LARGE1: variants seen among roughly 807,000 people sequenced by gnomAD.
LARGE1 encodes xylosyl- and glucuronyltransferase LARGE1.
LARGE1 carries 43 observed loss-of-function variants against 87.6 expected under a neutral mutation model. The ratio of observed to expected loss-of-function variants is 0.49; its 90% CI spans 0.38 to 0.63. LARGE1 has a LOEUF of 0.63. LARGE1 is among the 30% of genes least tolerant of loss of function. The probability of loss-of-function intolerance (pLI) is 0.00; values close to 1 mark genes in which losing one functional copy is unlikely to be tolerated. For synonymous variants in LARGE1, 434 were observed against 394.6 expected (o/e 1.10, Z -1.18); for missense variants, 802 against 1,000.2 (o/e 0.80, Z 2.67).
At chr22:33,333,129 C>A (rs1427286854) in intron 10 of LARGE1, among the ~76,000 whole-genome samples, 1 of 151,978 alleles carries the variant, frequency 6.6e-6, no homozygotes, top group Non-Finnish European at 1.5e-5. Context: ...GCCTCAGCCT[C>A]CTGAGTAGCT....
chr22:33,080,873 T>G, the LARGE1 span, among the ~76,000 whole-genome samples: 1 of 152,148 alleles, frequency 6.6e-6, no homozygotes, highest in African/African-American at 2.4e-5. Context: ...AAACTTTTCT[T>G]CTATGCCTTA....
intron 6 of LARGE1, among the ~76,000 whole-genome samples, chr22:33,537,290 C>A (rs1414505676): frequency 1.3e-5 from 2 of 152,218 alleles, no homozygotes; most frequent in Admixed American, 6.5e-5. Context: ...TGCGGAGGCT[C>A]TGGGGAGAAT....
chr22:33,082,052 G>A, the LARGE1 span, among the ~76,000 whole-genome samples: 5 of 152,094 alleles, frequency 3.3e-5, no homozygotes, highest in Admixed American at 3.3e-4. Context: ...GTAGGGTCTA[G>A]TTTTACCCTG....
the LARGE1 span, among the ~76,000 whole-genome samples, chr22:33,110,127 C>G: frequency 6.6e-6 from 1 of 152,148 alleles, no homozygotes; most frequent in Non-Finnish European, 1.5e-5. Flanking sequence ...CTGACTATTC[C>G]CATTTTCTAA....
intron 5 of LARGE1, among the ~76,000 whole-genome samples, chr22:33,579,737 A>G (rs947919465): frequency 6.6e-6 from 1 of 152,146 alleles, no homozygotes; most frequent in Non-Finnish European, 1.5e-5. Flanking sequence ...AGTGGCCCCT[A>G]GCATTGTTTT....
At chr22:33,534,499 C>T (rs1017497696) in intron 6 of LARGE1, among the ~76,000 whole-genome samples, 11 of 152,100 alleles carry the variant, frequency 7.2e-5, no homozygotes, top group Admixed American at 2.0e-4. Context: ...CCCCAGCTAG[C>T]GGAACCTTCA....
chr22:33,523,973 A>T (rs1472674742), intron 6 of LARGE1, among the ~76,000 whole-genome samples: 2 of 151,810 alleles, frequency 1.3e-5, no homozygotes, highest in Admixed American at 1.3e-4. Flanking sequence ...TCATCACTAA[A>T]ATCTCCTTAA....
In LARGE1 at chr22:33,783,291, G is replaced by A. The variant is rs150461834; in HGVS notation, c.-82-21733C>T. 1.0e-3 allele frequency among the ~76,000 whole-genome samples: 153 copies of A among 152,236 alleles called. 1 individual carries two copies. The highest frequency in any genetic ancestry group is 8.1e-4 in the Non-Finnish European group (55 of 68,018). ...ATTATAGCCAAATCATGGGAAAAGG[G>A]ACTAGAAGGCTGAGATATTTAAAAA... On this transcript the variant is annotated intron_variant, in intron 1 of 14. Coordinates refer to ENST00000397394, the MANE Select transcript of LARGE1 (RefSeq NM_133642.5).
chr22:33,785,201 A>G (rs2085591698), intron 1 of LARGE1, among the ~76,000 whole-genome samples: 4 of 150,758 alleles, frequency 2.7e-5, no homozygotes, highest in Admixed American at 1.3e-4. Context: ...ATATGTGTAT[A>G]CATACATATG....
chr22:33,452,261 G>T (rs2067960994), intron 6 of LARGE1, among the ~76,000 whole-genome samples: 1 of 152,142 alleles, frequency 6.6e-6, no homozygotes. Flanking sequence ...CTACAAAAAG[G>T]AAAGGAGATA....
At chr22:33,075,007 T>C in the LARGE1 span, among the ~76,000 whole-genome samples, 4 of 152,258 alleles carry the variant, frequency 2.6e-5, no homozygotes, top group Admixed American at 1.3e-4. Flanking sequence ...AGCGAGCTTA[T>C]GTAACTTGGC....
chr22:33,905,351 G>A (rs2065415067), intron 1 of LARGE1, among the ~76,000 whole-genome samples: 1 of 152,090 alleles, frequency 6.6e-6, no homozygotes, highest in African/African-American at 2.4e-5. Flanking sequence ...TAATAGGCAT[G>A]AGCCACCATG....
Position 33,260,390 on chromosome 22 carries a change from C to T in LARGE1, c.1730+43839G>A, listed in dbSNP as rs1927562163. Among the ~76,000 whole-genome samples the T allele has an allele frequency of 3.9e-5, 6 of 152,246 alleles. No individual in the cohort carries two copies. The South Asian group carries it at 1.2e-3, about 31-fold the overall frequency. On this transcript the variant is annotated intron_variant, in intron 11 of 11. Coordinates refer to the LARGE1 transcript ENST00000608642. ...CTGAGAAATCCCACTTGAAAGCTCT[C>T]TGGCCTCCCTGGCATGTGCTAGCTG...
chr22:33,131,389 C>T, the LARGE1 span, among the ~76,000 whole-genome samples: 1 of 152,132 alleles, frequency 6.6e-6, no homozygotes, highest in East Asian at 1.9e-4. Flanking sequence ...TATCCCTATT[C>T]CCAGATGTTC....
At chr22:33,226,429 G>A (rs1925736008) in intron 11 of LARGE1, among the ~76,000 whole-genome samples, 1 of 152,190 alleles carries the variant, frequency 6.6e-6, no homozygotes, top group Non-Finnish European at 1.5e-5. Flanking sequence ...ACATTACACT[G>A]TGACTGGATG....
the LARGE1 span, among the ~76,000 whole-genome samples, chr22:33,107,590 C>T: frequency 2.7e-5 from 4 of 148,644 alleles, no homozygotes; most frequent in Admixed American, 6.7e-5. Flanking sequence ...TTTAGTCAGG[C>T]GCAGTGGCTC....
chr22:33,334,690 C>T (rs1440157486), intron 10 of LARGE1, among the ~76,000 whole-genome samples: 1 of 152,162 alleles, frequency 6.6e-6, no homozygotes, highest in Non-Finnish European at 1.5e-5. Context: ...ACTGGGATGA[C>T]AGCCATGGTG....
intron 11 of LARGE1, among the ~76,000 whole-genome samples, chr22:33,192,799 A>G (rs79348151): frequency 0.03 from 4,597 of 152,272 alleles, 96 homozygotes; most frequent in Admixed American, 0.057. Flanking sequence ...TTACGGTTTC[A>G]GGTCTTACAT....
chr22:33,154,787 G>A, the LARGE1 span, among the ~76,000 whole-genome samples: 1 of 152,074 alleles, frequency 6.6e-6, no homozygotes, highest in African/African-American at 2.4e-5. Flanking sequence ...ATTTGATATG[G>A]TTTGGCTGTG....
Sources: gnomAD v4.1 joint callset for allele counts (sites outside exome capture counted in the v4.1 genomes callset) on GRCh38, gnomAD v4.1.1 for gene constraint, MANE v1.5 for transcripts, NCBI Gene and HGNC (gene_info 2026-07-23, HGNC 2026-07-21) for gene names.